Variants in PDE10A observed in about 807,000 individuals in gnomAD.
The protein encoded by PDE10A is cAMP and cAMP-inhibited cGMP 3',5'-cyclic phosphodiesterase 10A.
A neutral mutation model predicts 97.7 loss-of-function variants in PDE10A; 39 were observed. That is an observed-to-expected ratio of 0.40 (90% confidence interval 0.31 to 0.52). The LOEUF (loss-of-function observed/expected upper bound fraction) is 0.52. Among genes scored for constraint, PDE10A ranks in the 20% least tolerant of loss-of-function variants. The pLI is 0.56. For missense variants in PDE10A, 731 were observed against 1,047.8 expected, an observed-to-expected ratio of 0.70 and a Z score of 4.17; for synonymous variants, 371 against 376.8, an observed-to-expected ratio of 0.98 and a Z score of 0.18.
chr6:165,544,872 A>T (rs1407906209), intron 1 of PDE10A, among the ~76,000 whole-genome samples: 1 of 151,974 alleles, frequency 6.6e-6, no homozygotes, highest in African/African-American at 2.4e-5. Context: ...TGTATAAGAC[A>T]AATGAAAATA....
intron 3 of PDE10A, among the ~76,000 whole-genome samples, chr6:165,470,347 C>T (rs11968695): frequency 0.018 from 2,784 of 152,276 alleles, 98 homozygotes; most frequent in African/African-American, 0.065. Context: ...GTCAACTGCA[C>T]TTTTTGAACA....
rs143633632 is a variant in PDE10A at position 165,859,201 on chromosome 6, C to T, written c.-615+128328G>A. Among the ~76,000 whole-genome samples the T allele has an allele frequency of 6.0e-3, 916 of 152,314 alleles. 12 individuals carry two copies. The highest frequency in any genetic ancestry group is 0.021 in the African/African-American group (861 of 41,570). On this transcript the variant is annotated intron_variant, in intron 1 of 19. Coordinates refer to the PDE10A transcript ENST00000366882. ...GCTGATTCATGAACACTGAAACTCA[C>T]GCCAGGATGAAGGTCCTCTACCACG...
At chr6:165,489,054 C>T (rs936287419) in intron 2 of PDE10A, among the ~76,000 whole-genome samples, 2 of 152,120 alleles carry the variant, frequency 1.3e-5, no homozygotes, top group East Asian at 1.9e-4. Flanking sequence ...TACCCAAAGG[C>T]GACCCTAGGG....
At chr6:165,670,121 C>G (rs1010591982) in intron 1 of PDE10A, among the ~76,000 whole-genome samples, 4 of 152,176 alleles carry the variant, frequency 2.6e-5, no homozygotes, top group African/African-American at 9.6e-5. Context: ...GTGGACGGCT[C>G]CTGGGGAATC....
At chr6:165,745,726 A>G (rs1792828131) in intron 1 of PDE10A, among the ~76,000 whole-genome samples, 1 of 152,230 alleles carries the variant, frequency 6.6e-6, no homozygotes, top group South Asian at 2.1e-4. Context: ...TTGTCTTATG[A>G]CATGCAATCC....
At chr6:165,926,080 T>C (rs888932302) in intron 1 of PDE10A, among the ~76,000 whole-genome samples, 2 of 152,204 alleles carry the variant, frequency 1.3e-5, no homozygotes, top group African/African-American at 2.4e-5. Flanking sequence ...CAACAGAAAA[T>C]ATGCAGTGTA....
chr6:165,576,424 G>A, intron 1 of PDE10A: 1 of 780,552 alleles, frequency 1.3e-6, no homozygotes, highest in Non-Finnish European at 2.4e-6. Context: ...GTTAAATGTT[G>A]GGATTTCCTC....
intron 1 of PDE10A, among the ~76,000 whole-genome samples, chr6:165,987,036 C>G (rs1785244522): frequency 6.6e-6 from 1 of 152,052 alleles, no homozygotes; most frequent in East Asian, 1.9e-4. Context: ...GGTCCTGTCC[C>G]CACTGAGAAC....
intron 1 of PDE10A, among the ~76,000 whole-genome samples, chr6:165,897,108 G>A (rs1781973147): frequency 6.6e-6 from 1 of 152,102 alleles, no homozygotes; most frequent in African/African-American, 2.4e-5. Flanking sequence ...TTGTAGAACT[G>A]AAAAAAATAT....
chr6:165,791,884 C>T (rs900927845), intron 1 of PDE10A, among the ~76,000 whole-genome samples: 1 of 152,208 alleles, frequency 6.6e-6, no homozygotes, highest in African/African-American at 2.4e-5. Context: ...TTCCTTGAAA[C>T]CCACATAATC....
intron 18 of PDE10A, among the ~76,000 whole-genome samples, chr6:165,378,438 A>G (rs892467905): frequency 3.3e-5 from 5 of 152,186 alleles, no homozygotes; most frequent in African/African-American, 1.2e-4. Context: ...CACAGAAATA[A>G]AAGCTAGTGT....
At chr6:165,621,624 C>T (rs895128993) in intron 1 of PDE10A, among the ~76,000 whole-genome samples, 5 of 152,108 alleles carry the variant, frequency 3.3e-5, no homozygotes, top group Admixed American at 6.5e-5. Flanking sequence ...GGCATGGTGG[C>T]GGGCGCCTGC....
chr6:165,631,499 CA>C (rs767380436), intron 1 of PDE10A, among the ~76,000 whole-genome samples: 52 of 152,190 alleles, frequency 3.4e-4, no homozygotes, highest in Non-Finnish European at 6.0e-4. Context: ...ACAATTTGGA[CA>C]AAAGTAAACT....
chr6:165,331,293 T>C lies in PDE10A; in HGVS notation c.*1732A>G, dbSNP rs1159632051. On this transcript the variant is annotated 3_prime_UTR_variant, in exon 22 of 22. Coordinates refer to ENST00000539869, the MANE Select transcript of PDE10A (RefSeq NM_001385079.1). ...TTTGTTATTACATTTTACCTCATAG[T>C]GTATAATGAAAATAGCAAATGGAGC... The C allele has an allele frequency of 1.3e-5, 2 of 152,196 alleles. No individual in the cohort carries two copies. Among genetic ancestry groups the C allele is most frequent in the Non-Finnish European group, 2.9e-5 (2 of 68,024 alleles). 9.4% of individuals were successfully genotyped at this position (152,196 alleles called of 1,614,324 possible).
chr6:165,957,316 AC>A (rs1784162561), intron 1 of PDE10A, among the ~76,000 whole-genome samples: 1 of 152,118 alleles, frequency 6.6e-6, no homozygotes. Flanking sequence ...CCCCATCTCT[AC>A]AAAAATTTAA....
chr6:165,438,347 C>T (rs887325554), intron 5 of PDE10A, among the ~76,000 whole-genome samples: 2 of 152,110 alleles, frequency 1.3e-5, no homozygotes, highest in Non-Finnish European at 2.9e-5. Flanking sequence ...TGCCACCACG[C>T]CCAGCTAATT....
At chr6:165,900,211 C>T (rs1782065330) in intron 1 of PDE10A, among the ~76,000 whole-genome samples, 1 of 152,204 alleles carries the variant, frequency 6.6e-6, no homozygotes, top group Non-Finnish European at 1.5e-5. Context: ...GTGGCTCACA[C>T]CCGTAATCCC....
At chr6:165,483,530 C>A (rs148735521) in intron 2 of PDE10A, among the ~76,000 whole-genome samples, 162 of 152,302 alleles carry the variant, frequency 1.1e-3, no homozygotes, top group Non-Finnish European at 1.9e-3. Context: ...TAATCCTCTC[C>A]TAAGCCTCTC....
intron 1 of PDE10A, among the ~76,000 whole-genome samples, chr6:165,911,480 A>G (rs1782452446): frequency 6.6e-6 from 1 of 152,188 alleles, no homozygotes; most frequent in Non-Finnish European, 1.5e-5. Flanking sequence ...CTTGAATCCC[A>G]ACTTTCATCT....
Sources: gnomAD v4.1 joint callset for allele counts (sites outside exome capture counted in the v4.1 genomes callset) on GRCh38, gnomAD v4.1.1 for gene constraint, MANE v1.5 for transcripts, NCBI Gene and HGNC (gene_info 2026-07-23, HGNC 2026-07-21) for gene names.